The following UBA7 variants were observed in gnomAD, a reference collection of about 807,000 sequenced individuals.
UBA7 encodes the protein ubiquitin-like modifier-activating enzyme 7.
In UBA7, 88 loss-of-function variants were observed where a neutral mutation model predicts 113.0. The ratio of observed to expected loss-of-function variants is 0.78; its 90% CI spans 0.66 to 0.93. The LOEUF (loss-of-function observed/expected upper bound fraction) is 0.93. Ranked by LOEUF, UBA7 falls within the 40% of genes least tolerant of loss-of-function variation. The pLI, the probability that UBA7 is intolerant of heterozygous loss-of-function variation, is 0.00. For missense variants in UBA7, 1,092 were observed against 1,266.4 expected (o/e 0.86, Z 2.09); for synonymous variants, 459 against 513.0 (o/e 0.89, Z 1.42).
At position 49,807,588 on chromosome 3, in the gene UBA7, A is replaced by G. The variant is rs1027837191; in HGVS notation, c.2715+148T>C. ...GTCTGACAGGTCCCAGCCTGGCTTC[A>G]TAGCAGGAAGAGGGCTGGAGGGAGT... is the stretch of plus-strand genomic sequence containing the variant. On this transcript the variant is annotated intron_variant, in intron 21 of 23. Transcript: ENST00000333486. This position sits in a 1 kb window ranked among gnomAD's most constrained non-coding sequence, Gnocchi z 4.0. 3.9e-5 allele frequency: 41 copies of G among 1,056,630 alleles called. No individual in the cohort carries two copies. In the Admixed American group the frequency reaches 1.3e-3, roughly 32 times the overall value. The allele number at this position is 1,056,630 out of a possible 1,614,324, so 65.5% of individuals were successfully genotyped here.
intron 4 of UBA7, 86 bp from the exon 5 acceptor site, chr3:49,812,824 A>G (rs2081571214): frequency 1.4e-6 from 2 of 1,474,982 alleles, no homozygotes; most frequent in East Asian, 4.7e-5. Flanking sequence ...AGAGGGCCAG[A>G]ATTGGGAAAG....
chr3:49,811,013 G>A lies in UBA7; in HGVS notation c.1201C>T (p.Leu401Phe). 1 of 1,614,140 alleles carries A rather than the reference G, an allele frequency of 6.2e-7. No homozygotes were observed. Among genetic ancestry groups the A allele is most frequent in the Non-Finnish European group, 8.5e-7 (1 of 1,179,994 alleles). The change falls in exon 10 of 24, where the codon CTC (leucine) becomes TTC (phenylalanine). Residue 401 changes from leucine to phenylalanine, a missense_variant. Physicochemically the swap from Leu to Phe is conservative, Grantham distance 22. Coordinates refer to ENST00000333486, the MANE Select transcript of UBA7 (RefSeq NM_003335.3). ...GCACAGTCCTCAGGACTGGGAAGGA[G>A]CTCCCCATCTTCCGGAAGACAATCG... The part of the protein sequence containing the change: ...ALDCLPEDGE[L>F]LPSPEDCALR...
rs777269239 is a variant in UBA7 at position 49,811,042 on chromosome 3, G to A, written c.1172C>T (p.Ala391Val). 1.2e-6 allele frequency: 2 copies of A among 1,614,070 alleles called. No individual in the cohort carries two copies. ...MPLDQWLYFD[A>V]LDCLPEDGEL... ...CCCATCTTCCGGAAGACAATCGAGG[G>A]CATCAAAGTAAAGCCACTGGTCCAG... The change falls in exon 10 of 24, where the codon GCC (alanine) becomes GTC (valine). Residue 391 changes from alanine to valine, a missense_variant. Physicochemically the swap from Ala to Val is moderately conservative, Grantham distance 64 (BLOSUM62 0). Around this residue, in one of 3 missense-constraint regions of UBA7, gnomAD observed 584 missense variants for 714.5 expected, o/e 0.82. Transcript: ENST00000333486.
In UBA7 at chr3:49,807,686, A is replaced by G. The variant is rs1417188893; in HGVS notation, c.2715+50T>C. On this transcript the variant is annotated intron_variant, in intron 21 of 23. Coordinates refer to ENST00000333486, the MANE Select transcript of UBA7 (RefSeq NM_003335.3). The surrounding 1 kb of genome is among the most constrained non-coding windows in gnomAD (Gnocchi z 4.0). ...GATTGGGGCCTGTATGGGCAGGTGC[A>G]GGGGAAACCCAGGCCTAGTAGGGCT... The G allele has an allele frequency of 3.9e-6, 6 of 1,551,214 alleles. No homozygotes were observed. The highest frequency in any genetic ancestry group is 5.2e-6 in the Non-Finnish European group (6 of 1,148,124).
In UBA7 at chr3:49,810,770, T is replaced by C; in HGVS notation, c.1293A>G (p.Arg431=). 1 of 1,614,084 alleles carries C rather than the reference T, an allele frequency of 6.2e-7. No individual in the cohort carries two copies. Among genetic ancestry groups the C allele is most frequent in the Non-Finnish European group, 8.5e-7 (1 of 1,180,004 alleles). ...VFGAGFQEKL[R]RQHYLLVGAG... ...AGCTCACCAGGAGGTAGTGCTGGCG[T>C]CTCAGTTTCTCCTGAAAACCAGCCC... The change falls in exon 11 of 24, where the codon AGA becomes AGG. Residue 431 remains arginine, a synonymous_variant. Transcript: ENST00000333486. This position sits in a 1 kb window ranked among gnomAD's most constrained non-coding sequence, Gnocchi z 5.6.
At chr3:49,806,784 A>G (rs2081460226) in intron 21 of UBA7, among the ~76,000 whole-genome samples, 1 of 151,936 alleles carries the variant, frequency 6.6e-6, no homozygotes, top group African/African-American at 2.4e-5. Context: ...CCCCTGAGAA[A>G]ACACACTGGG....
chr3:49,809,825 G>A lies in UBA7; in HGVS notation c.1894C>T (p.His632Tyr), dbSNP rs1189629076. The A allele has an allele frequency of 6.2e-7, 1 of 1,614,150 alleles. No individual in the cohort carries two copies. The highest frequency in any genetic ancestry group is 8.5e-7 in the Non-Finnish European group (1 of 1,180,018). ...TGTTGGTGGCCTTACTGTTGGTGGTGGTTGATGGTCTCTGCAGACAGTCGG... is the reference window on the plus strand; with the variant it reads ...TGTTGGTGGCCTTACTGTTGGTGGTAGTTGATGGTCTCTGCAGACAGTCGG... ...LFRLSAETIN[H>Y]HQQAHTSLAD... is the part of the protein sequence containing the mutation. Residue 632 changes from histidine (H) to tyrosine (Y), a missense_variant, in exon 15 of 24, where the codon CAC becomes TAC. Physicochemically the swap from His to Tyr is moderately conservative, Grantham distance 83 (BLOSUM62 2). Around this residue, in one of 3 missense-constraint regions of UBA7, gnomAD observed 500 missense variants for 529.3 expected, o/e 0.94. Coordinates refer to ENST00000333486, the MANE Select transcript of UBA7 (RefSeq NM_003335.3).
Position 49,809,360 on chromosome 3 carries a change from T to C in UBA7, c.2163+30A>G, listed in dbSNP as rs749859209. The C allele has an allele frequency of 6.2e-6, 10 of 1,610,932 alleles. No homozygotes were observed. In the South Asian group the frequency reaches 7.7e-5, roughly 12 times the overall value. ...TCTGCTCTGAGGGGCCACATCTCTA[T>C]CTTGGAGCTCCCTACAGAATCCCAC... On this transcript the variant is annotated intron_variant, in intron 17 of 23. Coordinates refer to ENST00000333486, the MANE Select transcript of UBA7 (RefSeq NM_003335.3).
At position 49,811,296 on chromosome 3, in the gene UBA7, C is replaced by CG; in HGVS notation, c.1098_1099insC (p.Val367ArgfsTer24). ...ACCTTCAGCACTTCCTGGGCAGCTA[C>CG]TGCACCCAGCATGGCCACCATAGGG... is the stretch of plus-strand genomic sequence containing the variant. On this transcript the variant is annotated frameshift_variant, in exon 9 of 24. Transcript: ENST00000333486. LOFTEE classifies it high-confidence loss of function. The CG allele has an allele frequency of 6.2e-7, 1 of 1,614,162 alleles. No individual in the cohort carries two copies. Among genetic ancestry groups the CG allele is most frequent in the Non-Finnish European group, 8.5e-7 (1 of 1,180,018 alleles).
In UBA7 at chr3:49,810,134, C is replaced by T. The variant is rs775770831; in HGVS notation, c.1683G>A (p.Glu561=). The change falls in exon 14 of 24, where the codon GAG becomes GAA. Residue 561 remains glutamate, a synonymous_variant. Coordinates refer to ENST00000333486, the MANE Select transcript of UBA7 (RefSeq NM_003335.3). This position sits in a 1 kb window ranked among gnomAD's most constrained non-coding sequence, Gnocchi z 5.6. ...TGCCCCAGGTGCCCGATGTGCCTGCCTCCAGCAGTGGCTTCAGATAGTGGG... is the reference window on the plus strand; with the variant it reads ...TGCCCCAGGTGCCCGATGTGCCTGCTTCCAGCAGTGGCTTCAGATAGTGGG... ...RCTHYLKPLL[E]AGTSGTWGSA... 1.2e-6 allele frequency: 2 copies of T among 1,612,812 alleles called. No individual in the cohort carries two copies. The highest frequency in any genetic ancestry group is 1.1e-5 in the South Asian group (1 of 91,088).
At position 49,811,078 on chromosome 3, in the gene UBA7, T is replaced by G; in HGVS notation, c.1136A>C (p.Lys379Thr). 1 of 1,613,982 alleles carries G rather than the reference T, an allele frequency of 6.2e-7. No individual in the cohort carries two copies. The highest frequency in any genetic ancestry group is 2.2e-5 in the East Asian group (1 of 44,876). The change falls in exon 10 of 24, where the codon AAG (lysine) becomes ACG (threonine). Residue 379 changes from lysine to threonine, a missense_variant. This residue lies in a region of UBA7 where 584 missense variants were observed against 714.5 expected (regional missense o/e 0.82). Coordinates refer to ENST00000333486, the MANE Select transcript of UBA7 (RefSeq NM_003335.3). ...AQEVLKAISR[K>T]FMPLDQWLYF... is the part of the protein sequence containing the mutation. The stretch of plus-strand genomic sequence containing the variant: ...AAGCCACTGGTCCAGAGGCATGAAC[T>G]TCCTGGAGATTGCCTAGGGGCAGCA...
rs1345287517 is a variant in UBA7 at position 49,809,565 on chromosome 3, G to T, written c.2065C>A (p.Leu689Met). The change falls in exon 16 of 24, where the codon CTG becomes ATG. Residue 689 changes from leucine (L) to methionine (M), a missense_variant. Around this residue, in one of 3 missense-constraint regions of UBA7, gnomAD observed 500 missense variants for 529.3 expected, o/e 0.94. Transcript: ENST00000333486. ...ACTTTATTAGGTGGGAAGTGCCTCA[G>T]CAGCTGTTTGATGCCATAATGAAAG... ...LCFHYGIKQLLRHFPPNKVLE... is the reference protein window; with the variant it reads ...LCFHYGIKQLMRHFPPNKVLE... 1 of 1,614,008 alleles carries T rather than the reference G, an allele frequency of 6.2e-7. No individual in the cohort carries two copies. The highest frequency in any genetic ancestry group is 8.5e-7 in the Non-Finnish European group (1 of 1,180,036).
rs142469290 is a variant in UBA7, at chr3:49,810,153, T to C, written c.1664A>G (p.Tyr555Cys). Residue 555 changes from tyrosine (Y) to cysteine (C), a missense_variant, in exon 14 of 24, where the codon TAT (tyrosine) becomes TGT (cysteine). Physicochemically the swap from Tyr to Cys is radical, Grantham distance 194. Coordinates refer to ENST00000333486, the MANE Select transcript of UBA7 (RefSeq NM_003335.3). This position sits in a 1 kb window ranked among gnomAD's most constrained non-coding sequence, Gnocchi z 5.6. ...GCCTGCCTCCAGCAGTGGCTTCAGA[T>C]AGTGGGTGCAACGAGCAGCCACATA... ...RRYVAARCTH[Y>C]LKPLLEAGTS... The C allele has an allele frequency of 2.2e-5, 36 of 1,612,920 alleles. No individual in the cohort carries two copies. The highest frequency in any genetic ancestry group is 3.0e-5 in the Non-Finnish European group (35 of 1,179,992).
At chr3:49,805,531 C>T (rs2081434022) in intron 23 of UBA7, 94 bp from the exon 24 acceptor site, 4 of 1,223,250 alleles carry the variant, frequency 3.3e-6, no homozygotes, top group Non-Finnish European at 3.6e-6. Context: ...GGCAGGCCGT[C>T]AGGAGCCCAA....
rs764491313 is a variant in UBA7 at position 49,812,516 on chromosome 3, T to C, written c.586A>G (p.Lys196Glu). Residue 196 changes from lysine to glutamate, a missense_variant, in exon 6 of 24, where the codon AAA (lysine) becomes GAA (glutamate). Physicochemically the swap from Lys to Glu is moderately conservative, Grantham distance 56. This residue lies in a region of UBA7 where 584 missense variants were observed against 714.5 expected (regional missense o/e 0.82). Transcript: ENST00000333486. ...QGSPGILTLR[K>E]GANTHYFRDG... ...CGGAAGTAGTGGGTATTGGCCCCTT[T>C]CCTCAGAGTGAGAATGCCAGGGGAG... 2 of 1,614,168 alleles carry C rather than the reference T, an allele frequency of 1.2e-6. No individual in the cohort carries two copies. The highest frequency in any genetic ancestry group is 1.7e-6 in the Non-Finnish European group (2 of 1,180,032).
In UBA7 at chr3:49,807,363, C is replaced by G. The variant is rs7619572; in HGVS notation, c.2715+373G>C. Among the ~76,000 whole-genome samples, 3 of 152,292 alleles carry G rather than the reference C, an allele frequency of 2.0e-5. No individual in the cohort carries two copies. Among genetic ancestry groups the G allele is most frequent in the Admixed American group, 6.5e-5 (1 of 15,302 alleles). Reference sequence around the variant, plus strand: ...CTTGTAGGAGGTAGGCCAGGGCCCCCGTACCATGCAGGGGGAAGCTAGACT... The same window carrying G: ...CTTGTAGGAGGTAGGCCAGGGCCCCGGTACCATGCAGGGGGAAGCTAGACT... On this transcript the variant is annotated intron_variant, in intron 21 of 23. Coordinates refer to ENST00000333486, the MANE Select transcript of UBA7 (RefSeq NM_003335.3). The surrounding 1 kb of genome is among the most constrained non-coding windows in gnomAD (Gnocchi z 4.0).
chr3:49,809,119 T>C lies in UBA7; in HGVS notation c.2204A>G (p.Tyr735Cys), dbSNP rs150073401. 3.9e-5 allele frequency: 63 copies of C among 1,613,404 alleles called. No individual in the cohort carries two copies. The African/African-American group carries it at 7.9e-4, about 20-fold the overall frequency. Residue 735 changes from tyrosine to cysteine, a missense_variant, in exon 18 of 24, where the codon TAT becomes TGT. Physicochemically the swap from Tyr to Cys is radical, Grantham distance 194. Transcript: ENST00000333486. ...LLYVLAAANL[Y>C]AQMHGLPGSQ... The stretch of plus-strand genomic sequence containing the variant: ...GCCAGGCAGCCCATGCATCTGGGCA[T>C]ACAGGTTGGCAGCTGCCAGTACGTA...
Position 49,810,156 on chromosome 3 carries a change from T to C in UBA7, c.1661A>G (p.His554Arg). The change falls in exon 14 of 24, where the codon CAC becomes CGC. Residue 554 changes from histidine to arginine, a missense_variant. This residue lies in a region of UBA7 where 584 missense variants were observed against 714.5 expected (regional missense o/e 0.82). Transcript: ENST00000333486. The surrounding 1 kb of genome is among the most constrained non-coding windows in gnomAD (Gnocchi z 5.6). Reference protein sequence around the residue: ...ARRYVAARCTHYLKPLLEAGT... With the variant: ...ARRYVAARCTRYLKPLLEAGT... Reference sequence around the variant, plus strand: ...TGCCTCCAGCAGTGGCTTCAGATAGTGGGTGCAACGAGCAGCCACATAGCG... The same window carrying C: ...TGCCTCCAGCAGTGGCTTCAGATAGCGGGTGCAACGAGCAGCCACATAGCG... 6.2e-7 allele frequency: 1 copy of C among 1,612,928 alleles called. No individual in the cohort carries two copies. The highest frequency in any genetic ancestry group is 8.5e-7 in the Non-Finnish European group (1 of 1,179,938).
rs763983581 is a variant in UBA7 at position 49,811,318 on chromosome 3, A to C, written c.1077T>G (p.Pro359=). Residue 359 remains proline (P), a synonymous_variant, in exon 9 of 24, where the codon CCT becomes CCG. Transcript: ENST00000333486. ...CTACTGCACCCAGCATGGCCACCAT[A>C]GGGCTCAAGACACCTGCACTGCTTA... ...VALSSAGVLS[P]MVAMLGAVAA... is the part of the protein sequence containing the mutation. 4 of 1,614,158 alleles carry C rather than the reference A, an allele frequency of 2.5e-6. No individual in the cohort carries two copies. Among genetic ancestry groups the C allele is most frequent in the Non-Finnish European group, 3.4e-6 (4 of 1,180,020 alleles).
Sources: allele counts gnomAD v4.1 joint callset (sites outside exome capture counted in the v4.1 genomes callset), GRCh38; gene constraint gnomAD v4.1.1; regional missense constraint gnomAD v4.1.1; non-coding constraint Gnocchi (gnomAD v3.1); transcripts MANE v1.5; gene names NCBI Gene and HGNC (gene_info 2026-07-23, HGNC 2026-07-21).